STK32C: variants seen among roughly 807,000 people sequenced by gnomAD.
The protein encoded by STK32C is serine/threonine-protein kinase 32C.
Under a neutral mutation model 56.5 loss-of-function variants are expected in STK32C, and 31 were observed. The ratio of observed to expected loss-of-function variants is 0.55; its 90% CI spans 0.41 to 0.74. The LOEUF (loss-of-function observed/expected upper bound fraction) is 0.74, where lower values mean the gene tolerates loss of function less well. Ranked by LOEUF, STK32C falls within the 30% of genes least tolerant of loss-of-function variation. STK32C has a pLI of 0.00. For synonymous variants in STK32C, 309 were observed against 289.4 expected (o/e 1.07, Z -0.69); for missense variants, 544 against 676.9 (o/e 0.80, Z 2.18).
intron 2 of STK32C, among the ~76,000 whole-genome samples, chr10:132,229,514 T>C (rs1030488711): frequency 3.9e-5 from 6 of 152,236 alleles, no homozygotes; most frequent in Non-Finnish European, 8.8e-5. Context: ...TTAAGTCAGA[T>C]GATTAACAAC....
chr10:132,267,931 A>G (rs61864462), intron 1 of STK32C, among the ~76,000 whole-genome samples: 2,271 of 30,094 alleles, frequency 0.075, no homozygotes, highest in Middle Eastern at 0.13. Context: ...GTGCATGCAT[A>G]TGCATGCAGG....
At chr10:132,275,336 G>C (rs1215566941) in intron 1 of STK32C, among the ~76,000 whole-genome samples, 1 of 152,232 alleles carries the variant, frequency 6.6e-6, no homozygotes, top group East Asian at 1.9e-4. Flanking sequence ...CAGTAGCAAG[G>C]CTGGCAGGTG....
At chr10:132,279,727 ACACCACTGCACTCCG>A (rs2065099943) in intron 1 of STK32C, among the ~76,000 whole-genome samples, 1 of 151,076 alleles carries the variant, frequency 6.6e-6, no homozygotes, top group African/African-American at 2.4e-5. Flanking sequence ...CTCCCTGATC[ACACCACTGCACTCCG>A]TGATCACACC....
intron 2 of STK32C, among the ~76,000 whole-genome samples, chr10:132,235,933 A>C (rs1309126811): frequency 3.3e-5 from 5 of 152,230 alleles, no homozygotes; most frequent in African/African-American, 1.2e-4. Flanking sequence ...TCAGTGGATA[A>C]AATGACACAC....
intron 1 of STK32C, among the ~76,000 whole-genome samples, chr10:132,318,332 A>G (rs945609707): frequency 1.1e-4 from 16 of 152,020 alleles, no homozygotes; most frequent in South Asian, 2.1e-4. Context: ...AAAGACTTGG[A>G]AAACCAGGCA....
chr10:132,301,667 G>A (rs911640889), intron 1 of STK32C, among the ~76,000 whole-genome samples: 9 of 152,344 alleles, frequency 5.9e-5, no homozygotes, highest in African/African-American at 1.4e-4. Flanking sequence ...GAAACAGTGC[G>A]GGCTACTGGG....
chr10:132,272,803 CAAGT>C (rs1227237064), intron 1 of STK32C, among the ~76,000 whole-genome samples: 7 of 152,354 alleles, frequency 4.6e-5, no homozygotes, highest in Middle Eastern at 3.4e-3. Context: ...CCATTTCTCT[CAAGT>C]AATAGCCCAT....
intron 1 of STK32C, among the ~76,000 whole-genome samples, chr10:132,291,143 T>C (rs1042588181): frequency 4.6e-5 from 7 of 152,248 alleles, no homozygotes; most frequent in African/African-American, 1.7e-4. Context: ...ATGTAATTAA[T>C]GGAAATTTTC....
chr10:132,254,986 C>T (rs2138020656), intron 1 of STK32C, among the ~76,000 whole-genome samples: 1 of 152,250 alleles, frequency 6.6e-6, no homozygotes, highest in Non-Finnish European at 1.5e-5. Context: ...CCACCCCACC[C>T]ACTCATCCGG....
rs1010962948 is a variant in STK32C at position 132,262,883 on chromosome 10, C to T, written c.263-16928G>A. On this transcript the variant is annotated intron_variant, in intron 1 of 11. Transcript: ENST00000298630. ...TCATCAGAGAAATGCAAGTCAAAGC[C>T]ACAATGAGACACCATCTCACACCAG... Among the ~76,000 whole-genome samples, 3 of 152,100 alleles carry T rather than the reference C, an allele frequency of 2.0e-5. No homozygotes were observed. The South Asian group carries it at 6.2e-4, about 32-fold the overall frequency.
At chr10:132,287,059 T>A (rs563297556) in intron 1 of STK32C, among the ~76,000 whole-genome samples, 7 of 152,334 alleles carry the variant, frequency 4.6e-5, no homozygotes, top group South Asian at 4.1e-4. Context: ...TTTCATTTTT[T>A]AAAAAACATA....
chr10:132,273,319 T>C (rs1232450522), intron 1 of STK32C, among the ~76,000 whole-genome samples: 1 of 152,062 alleles, frequency 6.6e-6, no homozygotes, highest in Non-Finnish European at 1.5e-5. Flanking sequence ...TCTAAGTCCC[T>C]GCAGCTCTAG....
At chr10:132,319,846 G>GGCAT (rs1237622935), downstream of STK32C, among the ~76,000 whole-genome samples, 1 of 151,672 alleles carries the variant, frequency 6.6e-6, no homozygotes, top group Admixed American at 6.6e-5. Flanking sequence ...TCTCTATTGA[G>GGCAT]GCATAATTTA....
At chr10:132,229,237 C>T (rs1261866562) in intron 2 of STK32C, among the ~76,000 whole-genome samples, 5 of 152,224 alleles carry the variant, frequency 3.3e-5, no homozygotes, top group African/African-American at 7.2e-5. Context: ...CCTTCCACAA[C>T]CTCTGCTCTC....
chr10:132,234,993 A>G (rs1234443891), intron 2 of STK32C, among the ~76,000 whole-genome samples: 1 of 152,202 alleles, frequency 6.6e-6, no homozygotes, highest in Non-Finnish European at 1.5e-5. Flanking sequence ...GGAAGAAAGC[A>G]AGGTGAAGCT....
chr10:132,262,004 GA>G, intron 1 of STK32C, among the ~76,000 whole-genome samples: 1 of 152,222 alleles, frequency 6.6e-6, no homozygotes, highest in South Asian at 2.1e-4. Flanking sequence ...TAAGAAAAAA[GA>G]ACAAAGCTGG....
rs748542287 is a variant in STK32C, at chr10:132,208,070, C to G, written c.1401G>C (p.Glu467Asp). ...ACATGGGCAGGGCGGAGCGTTCCGC[C>G]TCGTCCTCCACAGGCTCCGCAGCAT... The part of the protein sequence containing the change: ...SRDAAEPVED[E>D]AERSALPMCG... Residue 467 changes from glutamate (E) to aspartate (D), a missense_variant, in exon 12 of 12, where the codon GAG becomes GAC. Coordinates refer to ENST00000298630, the MANE Select transcript of STK32C (RefSeq NM_173575.4). 2 of 1,310,866 alleles carry G rather than the reference C, an allele frequency of 1.5e-6. No individual in the cohort carries two copies. Among genetic ancestry groups the G allele is most frequent in the Non-Finnish European group, 9.8e-7 (1 of 1,021,654 alleles). 81.2% of individuals were successfully genotyped at this position (1,310,866 alleles called of 1,614,324 possible).
intron 1 of STK32C, among the ~76,000 whole-genome samples, chr10:132,275,849 A>C (rs1590359434): frequency 6.6e-6 from 1 of 151,242 alleles, no homozygotes; most frequent in Non-Finnish European, 1.5e-5. Flanking sequence ...TTTTCTCCCC[A>C]CCTCCTGGCA....
At chr10:132,230,506 C>A (rs1186493343) in intron 2 of STK32C, among the ~76,000 whole-genome samples, 1 of 152,244 alleles carries the variant, frequency 6.6e-6, no homozygotes, top group Non-Finnish European at 1.5e-5. Context: ...TCAAGGCGGC[C>A]ACTGCAGGTC....
Sources: allele counts gnomAD v4.1 joint callset (sites outside exome capture counted in the v4.1 genomes callset), GRCh38; gene constraint gnomAD v4.1.1; transcripts MANE v1.5; gene names NCBI Gene and HGNC (gene_info 2026-07-23, HGNC 2026-07-21).